Variants in ST3GAL1 observed in about 807,000 individuals in gnomAD.
The protein encoded by ST3GAL1 is ST3 beta-galactoside alpha-2,3-sialyltransferase 1, also known as CMP-N-acetylneuraminate-beta-galactosamide-alpha-2,3-sialyltransferase 1.
ST3GAL1 carries 16 observed loss-of-function variants against 34.1 expected under a neutral mutation model. The observed-to-expected ratio is 0.47, with a 90% CI of 0.32 to 0.71. The LOEUF (loss-of-function observed/expected upper bound fraction) is 0.71. ST3GAL1 is among the 30% of genes least tolerant of loss of function. The pLI is 0.04. For synonymous variants in ST3GAL1, 191 were observed against 184.7 expected, an observed-to-expected ratio of 1.03 and a Z score of -0.28; for missense variants, 353 against 447.4, an observed-to-expected ratio of 0.79 and a Z score of 1.90.
At chr8:133,551,598 GA>G (rs1563739162) in intron 1 of ST3GAL1, among the ~76,000 whole-genome samples, 332 of 150,712 alleles carry the variant, frequency 2.2e-3, no homozygotes, top group African/African-American at 7.4e-3. Context: ...AAGAAAGAAA[GA>G]AAGAAAGAAA....
rs530717149 is a variant in ST3GAL1, at chr8:133,566,660, C to T, written c.-582+5033G>A. 7.2e-5 allele frequency among the ~76,000 whole-genome samples: 11 copies of T among 152,354 alleles called. No homozygotes were observed. In the South Asian group the frequency reaches 2.1e-3, roughly 29 times the overall value. On this transcript the variant is annotated intron_variant, in intron 1 of 9. Transcript: ENST00000522652. Reference sequence around the variant, plus strand: ...TGAAAACCTGGGCGCTTTCTCCTACCTGCCACCTGCCATGCCACCCTCCCA... The same window carrying T: ...TGAAAACCTGGGCGCTTTCTCCTACTTGCCACCTGCCATGCCACCCTCCCA...
rs551319324 is a variant in ST3GAL1 at position 133,497,697 on chromosome 8, T to TCCGGA, written c.-374+1433_-374+1437dup. 1.2e-4 allele frequency among the ~76,000 whole-genome samples: 19 copies of TCCGGA among 152,140 alleles called. No individual in the cohort carries two copies. In the South Asian group the frequency reaches 3.9e-3, roughly 32 times the overall value. ...CATGTTGGCCAGGCTGGTCTTGAAC[T>TCCGGA]CCGGACCTCAGGTGATCCGCCTGCC... is the stretch of plus-strand genomic sequence containing the variant. On this transcript the variant is annotated intron_variant, in intron 3 of 9. Coordinates refer to ENST00000522652, the MANE Select transcript of ST3GAL1 (RefSeq NM_173344.3).
At chr8:133,483,121 C>A in intron 3 of ST3GAL1, among the ~76,000 whole-genome samples, 1 of 152,190 alleles carries the variant, frequency 6.6e-6, no homozygotes, top group East Asian at 1.9e-4. Context: ...GTGGGCGGAT[C>A]ACTCGAGGTC....
Position 133,475,883 on chromosome 8 carries a change from C to T in ST3GAL1, c.142G>A (p.Glu48Lys), listed in dbSNP as rs748211207. 38 of 1,613,966 alleles carry T rather than the reference C, an allele frequency of 2.4e-5. No homozygotes were observed. The Admixed American group carries it at 3.0e-4, about 13-fold the overall frequency. ...FPKQMVLELSENLKRLIKHRP... is the reference protein window; with the variant it reads ...FPKQMVLELSKNLKRLIKHRP... ...TGCTTGATCAGTCTCTTCAGGTTCT[C>T]GGAGAGCTCCAGGACCATCTGCTTG... Residue 48 changes from glutamate (E) to lysine (K), a missense_variant, in exon 5 of 10, where the codon GAG (glutamate) becomes AAG (lysine). Glu to Lys is a moderately conservative substitution (Grantham distance 56). Coordinates refer to ENST00000522652, the MANE Select transcript of ST3GAL1 (RefSeq NM_173344.3).
chr8:133,551,604 AAGAAAGAAAG>A (rs1364552558), intron 1 of ST3GAL1, among the ~76,000 whole-genome samples: 28 of 139,684 alleles, frequency 2.0e-4, no homozygotes, highest in African/African-American at 7.9e-4. Context: ...GAAAGAAAGA[AAGAAAGAAAG>A]AAAGAGCGAG....
chr8:133,507,547 G>A (rs949046735), intron 2 of ST3GAL1, among the ~76,000 whole-genome samples: 2 of 152,200 alleles, frequency 1.3e-5, no homozygotes, highest in African/African-American at 4.8e-5. Context: ...CCCATTTCTC[G>A]GGGTTGCTGG....
intron 2 of ST3GAL1, among the ~76,000 whole-genome samples, chr8:133,501,332 G>A (rs1286881666): frequency 6.6e-6 from 1 of 152,148 alleles, no homozygotes; most frequent in Non-Finnish European, 1.5e-5. Context: ...TCCTATGCCC[G>A]TCCAGCCCAG....
chr8:133,530,227 G>A (rs1348467935), intron 2 of ST3GAL1, among the ~76,000 whole-genome samples: 2 of 152,146 alleles, frequency 1.3e-5, no homozygotes, highest in African/African-American at 4.8e-5. Context: ...ACGCACAGCA[G>A]GCACTCAGAG....
intron 6 of ST3GAL1, 26 bp downstream of exon 6, chr8:133,465,868 G>C (rs1286561637): frequency 6.2e-7 from 1 of 1,605,254 alleles, no homozygotes; most frequent in East Asian, 2.2e-5. Flanking sequence ...CAGCACGGTA[G>C]GCTTGGGAGA....
chr8:133,556,906 A>G lies in ST3GAL1; in HGVS notation c.-581-10980T>C, dbSNP rs1377903073. ...AGGTTGGCAGCGGTGCTATTAATGC[A>G]GGCAGGGAGACCAGATATACTGGGT... is the stretch of plus-strand genomic sequence containing the variant. On this transcript the variant is annotated intron_variant, in intron 1 of 9. Coordinates refer to ENST00000522652, the MANE Select transcript of ST3GAL1 (RefSeq NM_173344.3). This position sits in a 1 kb window ranked among gnomAD's most constrained non-coding sequence, Gnocchi z 8.9. Among the ~76,000 whole-genome samples the G allele has an allele frequency of 6.6e-6, 1 of 152,174 alleles. No homozygotes were observed. The highest frequency in any genetic ancestry group is 1.5e-5 in the Non-Finnish European group (1 of 68,036).
intron 2 of ST3GAL1, among the ~76,000 whole-genome samples, chr8:133,514,314 T>C (rs1036964847): frequency 6.6e-6 from 1 of 152,160 alleles, no homozygotes; most frequent in Non-Finnish European, 1.5e-5. Flanking sequence ...GCCACAGGCA[T>C]TGGGTACTAT....
At chr8:133,554,577 A>G (rs1818951870) in intron 1 of ST3GAL1, among the ~76,000 whole-genome samples, 1 of 152,048 alleles carries the variant, frequency 6.6e-6, no homozygotes, top group Non-Finnish European at 1.5e-5. Context: ...TGAGTGAGAG[A>G]GGGTACCTTC....
chr8:133,540,994 C>CAT (rs369538224), intron 2 of ST3GAL1, among the ~76,000 whole-genome samples: 2 of 72,898 alleles, frequency 2.7e-5, no homozygotes, highest in African/African-American at 1.3e-4. Context: ...TATATATAGA[C>CAT]ATATATATAT....
chr8:133,482,345 T>C (rs985353860), intron 3 of ST3GAL1, among the ~76,000 whole-genome samples: 4 of 152,220 alleles, frequency 2.6e-5, no homozygotes, highest in Non-Finnish European at 1.5e-5. Flanking sequence ...ATGTTCCTGT[T>C]CTTGGAGTGG....
chr8:133,556,536 T>C lies in ST3GAL1; in HGVS notation c.-581-10610A>G, dbSNP rs1010471216. Among the ~76,000 whole-genome samples, 1 of 152,218 alleles carries C rather than the reference T, an allele frequency of 6.6e-6. No homozygotes were observed. Among genetic ancestry groups the C allele is most frequent in the Non-Finnish European group, 1.5e-5 (1 of 68,042 alleles). On this transcript the variant is annotated intron_variant, in intron 1 of 9. Coordinates refer to ENST00000522652, the MANE Select transcript of ST3GAL1 (RefSeq NM_173344.3). This position sits in a 1 kb window ranked among gnomAD's most constrained non-coding sequence, Gnocchi z 8.9. The stretch of plus-strand genomic sequence containing the variant: ...CAGATCTGGGAGGAATTGTGAAACA[T>C]GGACCTGTTTGTCTTCTAAGCAACC...
At chr8:133,558,985 A>G (rs114310937) in intron 1 of ST3GAL1, among the ~76,000 whole-genome samples, 1,839 of 152,044 alleles carry the variant, frequency 0.012, 36 homozygotes, top group African/African-American at 0.042. Context: ...AGCTGTGCAT[A>G]TCAGGTGAAC....
chr8:133,500,773 G>T (rs1026993275), intron 2 of ST3GAL1, among the ~76,000 whole-genome samples: 1 of 152,142 alleles, frequency 6.6e-6, no homozygotes, highest in Non-Finnish European at 1.5e-5. Context: ...GCTCCCTGAG[G>T]GCTGAACTAT....
rs111828413 is a variant in ST3GAL1, at chr8:133,506,102, G to T, written c.-428-6913C>A. ...AGCAGCTACTGACCTGGGCAGTACCGACATAGAGCATTTCCATCATCAGGA... is the reference window on the plus strand; with the variant it reads ...AGCAGCTACTGACCTGGGCAGTACCTACATAGAGCATTTCCATCATCAGGA... On this transcript the variant is annotated intron_variant, in intron 2 of 9. Coordinates refer to ENST00000522652, the MANE Select transcript of ST3GAL1 (RefSeq NM_173344.3). 1.6e-4 allele frequency among the ~76,000 whole-genome samples: 24 copies of T among 152,282 alleles called. 1 individual carries two copies. The highest frequency in any genetic ancestry group is 5.3e-4 in the African/African-American group (22 of 41,556).
Position 133,461,352 on chromosome 8 carries a change from C to T in ST3GAL1, c.849+523G>A, listed in dbSNP as rs898703187. 3.3e-5 allele frequency among the ~76,000 whole-genome samples: 5 copies of T among 152,154 alleles called. No individual in the cohort carries two copies. The highest frequency in any genetic ancestry group is 2.1e-4 in the South Asian group (1 of 4,830). ...ACCTCTCAGAGCATAAGTGGAAACC[C>T]GAACACAGCCTAGCGGACAGCGAAG... On this transcript the variant is annotated intron_variant, in intron 9 of 9. Transcript: ENST00000522652. This position sits in a 1 kb window ranked among gnomAD's most constrained non-coding sequence, Gnocchi z 4.7.
Sources: allele counts gnomAD v4.1 joint callset (sites outside exome capture counted in the v4.1 genomes callset), GRCh38; gene constraint gnomAD v4.1.1; non-coding constraint Gnocchi (gnomAD v3.1); transcripts MANE v1.5; gene names NCBI Gene and HGNC (gene_info 2026-07-23, HGNC 2026-07-21).